Variants in TNRC18 observed in about 807,000 individuals in gnomAD.
The protein encoded by TNRC18 is trinucleotide repeat-containing gene 18 protein.
Under a neutral mutation model 226.7 loss-of-function variants are expected in TNRC18, and 69 were observed. That is an observed-to-expected ratio of 0.30 (90% confidence interval 0.25 to 0.37). The LOEUF is 0.37. TNRC18 is among the 10% of genes least tolerant of loss of function. TNRC18 has a pLI of 1.00. For synonymous variants in TNRC18, 2,449 were observed against 1,927.6 expected (o/e 1.27, Z -7.09); for missense variants, 4,754 against 4,256.6 (o/e 1.12, Z -3.25).
chr7:5,390,829 G>A (rs1780239763), intron 3 of TNRC18, among the ~76,000 whole-genome samples: 1 of 151,860 alleles, frequency 6.6e-6, no homozygotes, highest in African/African-American at 2.4e-5. Context: ...AGCCCTCACG[G>A]GGGACTGGGG....
intron 16 of TNRC18, among the ~76,000 whole-genome samples, chr7:5,352,762 G>C (rs149992184): frequency 1.3e-5 from 2 of 152,258 alleles, no homozygotes; most frequent in Admixed American, 1.3e-4. Context: ...GAGACAACCA[G>C]CCAGCTTTGG....
intron 18 of TNRC18, among the ~76,000 whole-genome samples, chr7:5,344,152 A>G (rs1189177082): frequency 6.6e-6 from 1 of 152,218 alleles, no homozygotes; most frequent in East Asian, 1.9e-4. Flanking sequence ...TTTGGGGTGT[A>G]TGAATAGCAA....
Position 5,307,761 on chromosome 7 carries a change from A to C in TNRC18, c.*345T>G, listed in dbSNP as rs1583701924. The C allele has an allele frequency of 2.7e-6, 1 of 373,198 alleles. No homozygotes were observed. The allele number at this position is 373,198 out of a possible 1,614,324, so 23.1% of individuals were successfully genotyped here. A position where few individuals can be genotyped will look rare whatever the true frequency, so the allele number is the denominator to read the frequency against. ...CCCCAGTCTGCATGGACCTGGGGGC[A>C]CCCGGGCCCCCACGCAGCAGCAGCC... On this transcript the variant is annotated 3_prime_UTR_variant, in exon 30 of 30. Coordinates refer to ENST00000430969, the MANE Select transcript of TNRC18 (RefSeq NM_001080495.3).
intron 25 of TNRC18, 31 bp from the exon 26 acceptor site, chr7:5,315,179 G>A (rs1787726767): frequency 6.3e-7 from 1 of 1,596,908 alleles, no homozygotes; most frequent in Non-Finnish European, 8.5e-7. Context: ...TGGCTCATCA[G>A]GCCTGGGGTC....
At chr7:5,384,319 T>G (rs981473295) in intron 5 of TNRC18, among the ~76,000 whole-genome samples, 1 of 152,170 alleles carries the variant, frequency 6.6e-6, no homozygotes, top group African/African-American at 2.4e-5. Flanking sequence ...CAGGCTGGCC[T>G]CAACCTCCTA....
chr7:5,331,275 C>A (rs368658624), intron 19 of TNRC18, among the ~76,000 whole-genome samples: 32 of 152,204 alleles, frequency 2.1e-4, no homozygotes, highest in African/African-American at 7.7e-4. Flanking sequence ...CTGAACGCAT[C>A]CAAATAGGAG....
rs369331019 is a variant in TNRC18 at position 5,359,443 on chromosome 7, G to C, written c.4788C>G (p.Asn1596Lys). Residue 1596 changes from asparagine (N) to lysine (K), a missense_variant, in exon 15 of 30, where the codon AAC (asparagine) becomes AAG (lysine). Asn to Lys is a moderately conservative substitution (Grantham distance 94). Coordinates refer to ENST00000430969, the MANE Select transcript of TNRC18 (RefSeq NM_001080495.3). ...AGGCCTCATGTTCATCCCAAGTCTG[G>C]TTCCTCCCCCTGGCTTTCCCCATTC... ...LIGMGKARGR[N>K]QTWDEHEASS... 5.0e-6 allele frequency: 8 copies of C among 1,613,986 alleles called. No individual in the cohort carries two copies. Among genetic ancestry groups the C allele is most frequent in the East Asian group, 2.2e-5 (1 of 44,884 alleles).
In TNRC18 at chr7:5,347,387, G is replaced by A. The variant is rs559835685; in HGVS notation, c.5471-1577C>T. 3.3e-4 allele frequency among the ~76,000 whole-genome samples: 49 copies of A among 148,066 alleles called. No individual in the cohort carries two copies. The South Asian group carries it at 5.8e-3, about 18-fold the overall frequency. The stretch of plus-strand genomic sequence containing the variant: ...TTTTTTTTGTATTTTTAGTAGAGAC[G>A]GGGTTTCACCGTGTTAGCCAGGATG... On this transcript the variant is annotated intron_variant, in intron 17 of 29. Coordinates refer to ENST00000430969, the MANE Select transcript of TNRC18 (RefSeq NM_001080495.3).
chr7:5,332,574 G>C, intron 19 of TNRC18, 48 bp downstream of exon 19: 2 of 1,477,720 alleles, frequency 1.4e-6, no homozygotes, highest in African/African-American at 3.0e-5. Flanking sequence ...CTCCCTCACG[G>C]AACCCCAGGG....
At chr7:5,365,289 T>C (rs1793501730) in intron 11 of TNRC18, among the ~76,000 whole-genome samples, 1 of 152,158 alleles carries the variant, frequency 6.6e-6, no homozygotes, top group Non-Finnish European at 1.5e-5. Context: ...TTTTTGTATT[T>C]TTTTGTAGAG....
intron 2 of TNRC18, among the ~76,000 whole-genome samples, chr7:5,403,747 A>G (rs1340804508): frequency 6.6e-6 from 1 of 151,920 alleles, no homozygotes; most frequent in African/African-American, 2.4e-5. Flanking sequence ...CTATGGTTGC[A>G]CCACTGCACA....
intron 18 of TNRC18, among the ~76,000 whole-genome samples, chr7:5,338,572 G>A (rs1790345529): frequency 1.4e-5 from 2 of 145,946 alleles, no homozygotes; most frequent in African/African-American, 5.1e-5. Context: ...GTTGCAGTGA[G>A]CTTAGATTGT....
chr7:5,396,579 T>C (rs927662317), intron 2 of TNRC18, among the ~76,000 whole-genome samples: 2 of 152,126 alleles, frequency 1.3e-5, no homozygotes, highest in African/African-American at 4.8e-5. Flanking sequence ...CGCTAAAAGC[T>C]GGAATGCACC....
chr7:5,322,283 A>AATAATCATCATC (rs146792528), intron 21 of TNRC18, among the ~76,000 whole-genome samples: 3 of 149,504 alleles, frequency 2.0e-5, no homozygotes, highest in African/African-American at 7.4e-5. Context: ...CCGTCTCAAT[A>AATAATCATCATC]ATCATCATCA....
intron 2 of TNRC18, among the ~76,000 whole-genome samples, chr7:5,405,008 T>C (rs1368755710): frequency 1.3e-5 from 2 of 151,764 alleles, no homozygotes; most frequent in Admixed American, 6.6e-5. Context: ...GTCCCAGCTA[T>C]TGGGAGGCTG....
chr7:5,354,069 G>C (rs1792106861), intron 16 of TNRC18, among the ~76,000 whole-genome samples: 1 of 151,978 alleles, frequency 6.6e-6, no homozygotes, highest in Non-Finnish European at 1.5e-5. Flanking sequence ...TGGGTGTGGT[G>C]GTGCGTGCCT....
rs750290851 is a variant in TNRC18 at position 5,377,538 on chromosome 7, G to C, written c.2294C>G (p.Pro765Arg). The change falls in exon 7 of 30, where the codon CCT (proline) becomes CGT (arginine). Residue 765 changes from proline (P) to arginine (R), a missense_variant. Pro to Arg is a moderately radical substitution (Grantham distance 103, BLOSUM62 -2). Coordinates refer to ENST00000430969, the MANE Select transcript of TNRC18 (RefSeq NM_001080495.3). This position sits in a 1 kb window ranked among gnomAD's most constrained non-coding sequence, Gnocchi z 5.8. Reference protein sequence around the residue: ...KELADLARLHPTSCAPNGLNP... With the variant: ...KELADLARLHRTSCAPNGLNP... ...CAGGCCGTTAGGAGCACAGCTGGTAGGGTGCAGGCGGGCCAGGTCAGCCAG... is the reference window on the plus strand; with the variant it reads ...CAGGCCGTTAGGAGCACAGCTGGTACGGTGCAGGCGGGCCAGGTCAGCCAG... 3.1e-6 allele frequency: 5 copies of C among 1,589,954 alleles called. No homozygotes were observed. Among genetic ancestry groups the C allele is most frequent in the Non-Finnish European group, 4.3e-6 (5 of 1,168,756 alleles).
At chr7:5,416,486 T>G (rs575782866) in intron 2 of TNRC18, among the ~76,000 whole-genome samples, 19 of 152,372 alleles carry the variant, frequency 1.2e-4, no homozygotes, top group African/African-American at 4.6e-4. Context: ...CTCGGGCGGC[T>G]GAGGCAGGAT....
rs60919833 is a variant in TNRC18 at position 5,385,494 on chromosome 7, CAAAA to C, written c.2152+2174_2152+2177del. Among the ~76,000 whole-genome samples, 8 of 88,096 alleles carry C rather than the reference CAAAA, an allele frequency of 9.1e-5. No homozygotes were observed. The East Asian group carries it at 1.8e-3, about 20-fold the overall frequency. The allele number at this position is 88,096 out of a possible 152,430, so 57.8% of individuals were successfully genotyped here. On this transcript the variant is annotated intron_variant, in intron 5 of 29. Coordinates refer to ENST00000430969, the MANE Select transcript of TNRC18 (RefSeq NM_001080495.3). ...TGGGCGACAGAGCGAGACTCCGTCT[CAAAA>C]AAAAAAAAAAAAAAAAAAAGAAAAA...
Sources: allele counts gnomAD v4.1 joint callset (sites outside exome capture counted in the v4.1 genomes callset), GRCh38; gene constraint gnomAD v4.1.1; non-coding constraint Gnocchi (gnomAD v3.1); transcripts MANE v1.5; gene names NCBI Gene and HGNC (gene_info 2026-07-23, HGNC 2026-07-21).